The following NEK1 variants were observed in gnomAD, a reference collection of about 807,000 sequenced individuals.
The protein encoded by NEK1 is NIMA related kinase 1.
A neutral mutation model predicts 182.1 loss-of-function variants in NEK1; 137 were observed. That is an observed-to-expected ratio of 0.75 (90% confidence interval 0.65 to 0.87). The LOEUF is 0.87. Ranked by LOEUF, NEK1 falls within the 40% of genes least tolerant of loss-of-function variation. The pLI is 0.00. For missense variants in NEK1, 1,391 were observed against 1,494.4 expected, an observed-to-expected ratio of 0.93 and a Z score of 1.14; for synonymous variants, 513 against 492.2, an observed-to-expected ratio of 1.04 and a Z score of -0.56.
At chr4:169,571,266 T>C (rs541848100) in intron 12 of NEK1, among the ~76,000 whole-genome samples, 92 of 152,158 alleles carry the variant, frequency 6.0e-4, no homozygotes, top group African/African-American at 2.1e-3. Context: ...ATACCTGTAA[T>C]CCCAGAACTT....
chr4:169,488,687 A>G (rs1001879862), intron 23 of NEK1, among the ~76,000 whole-genome samples: 1 of 152,186 alleles, frequency 6.6e-6, no homozygotes, highest in African/African-American at 2.4e-5. Flanking sequence ...CAAACTTTAC[A>G]TTAATATTTT....
rs539181597 is a variant in NEK1 at position 169,579,977 on chromosome 4, G to C, written c.868+865C>G. On this transcript the variant is annotated intron_variant, in intron 11 of 35. Coordinates refer to ENST00000507142, the MANE Select transcript of NEK1 (RefSeq NM_001199397.3). ...CTTCACGTATTAAATAACTTCCATT[G>C]ATTTTAGAAATCCATTCTGAAATCA... Among the ~76,000 whole-genome samples the C allele has an allele frequency of 2.0e-5, 3 of 152,126 alleles. No individual in the cohort carries two copies. The South Asian group carries it at 6.2e-4, about 32-fold the overall frequency.
In NEK1 at chr4:169,443,565, G is replaced by T. The variant is rs142781729; in HGVS notation, c.2588-5306C>A. Among the ~76,000 whole-genome samples the T allele has an allele frequency of 1.3e-4, 19 of 151,694 alleles. No individual in the cohort carries two copies. The East Asian group carries it at 3.7e-3, about 29-fold the overall frequency. On this transcript the variant is annotated intron_variant, in intron 27 of 35. Coordinates refer to ENST00000507142, the MANE Select transcript of NEK1 (RefSeq NM_001199397.3). ...AAAGTGCCCAAATATTCAAATTTTG[G>T]GTGTTTCAGAAAAAAAAAGAGATGG...
chr4:169,500,591 T>C (rs1356679185), intron 23 of NEK1, among the ~76,000 whole-genome samples: 2 of 152,198 alleles, frequency 1.3e-5, no homozygotes, highest in African/African-American at 4.8e-5. Flanking sequence ...CCAGAAGACA[T>C]TGGTGGCCTA....
chr4:169,411,927 T>A (rs1383793902), intron 31 of NEK1, among the ~76,000 whole-genome samples: 2 of 152,210 alleles, frequency 1.3e-5, no homozygotes, highest in African/African-American at 4.8e-5. Context: ...CATACCTGAC[T>A]AGCAGGCTCC....
intron 19 of NEK1, among the ~76,000 whole-genome samples, chr4:169,514,393 T>A (rs1333187849): frequency 1.3e-5 from 2 of 152,194 alleles, no homozygotes; most frequent in African/African-American, 4.8e-5. Flanking sequence ...ATGAGTTGAT[T>A]AGTATTCACT....
chr4:169,461,265 T>C (rs562393924), intron 27 of NEK1, among the ~76,000 whole-genome samples: 6 of 152,280 alleles, frequency 3.9e-5, no homozygotes, highest in Admixed American at 1.3e-4. Flanking sequence ...GGAATTTCAT[T>C]CTCCCCCTTA....
At chr4:169,497,426 T>C (rs1429118950) in intron 23 of NEK1, among the ~76,000 whole-genome samples, 1 of 152,186 alleles carries the variant, frequency 6.6e-6, no homozygotes, top group Non-Finnish European at 1.5e-5. Flanking sequence ...CTGATCTTAG[T>C]TATTTCTTGC....
intron 20 of NEK1, 91 bp from the exon 21 acceptor site, chr4:169,508,422 T>C (rs1753666780): frequency 9.8e-7 from 1 of 1,024,446 alleles, no homozygotes. Context: ...TAAGGAACAG[T>C]GTTAATTTGA....
rs756141648 is a variant in NEK1, at chr4:169,508,257, A to T, written c.1824T>A (p.Arg608=). Residue 608 remains arginine (R), a synonymous_variant, in exon 21 of 36, where the codon CGT becomes CGA. Coordinates refer to ENST00000507142, the MANE Select transcript of NEK1 (RefSeq NM_001199397.3). ...TAGCTTTTCAACCTACCTTTTCACCACGAAGTTTGGCTTTAATCTGTTGGC... is the reference window on the plus strand; with the variant it reads ...TAGCTTTTCAACCTACCTTTTCACCTCGAAGTTTGGCTTTAATCTGTTGGC... ...NERQQIKAKL[R]GEKKEANHSE... is the part of the protein sequence containing the mutation. The T allele has an allele frequency of 6.3e-7, 1 of 1,588,542 alleles. No homozygotes were observed. The highest frequency in any genetic ancestry group is 2.3e-5 in the East Asian group (1 of 43,896).
intron 12 of NEK1, among the ~76,000 whole-genome samples, chr4:169,569,008 G>A (rs1361986812): frequency 4.0e-5 from 6 of 151,142 alleles, no homozygotes; most frequent in Non-Finnish European, 8.8e-5. Flanking sequence ...AATTAAATGC[G>A]TGTGTAAATA....
chr4:169,407,195 G>A (rs899980676), intron 31 of NEK1, among the ~76,000 whole-genome samples: 2 of 152,188 alleles, frequency 1.3e-5, no homozygotes, highest in African/African-American at 4.8e-5. Flanking sequence ...CTTTCACGGT[G>A]TTTCTGCTAA....
intron 32 of NEK1, among the ~76,000 whole-genome samples, chr4:169,402,547 T>C (rs781360521): frequency 6.6e-6 from 1 of 152,210 alleles, no homozygotes; most frequent in Non-Finnish European, 1.5e-5. Context: ...TTCCAAAGTA[T>C]TGGTAAGAAT....
At chr4:169,452,398 G>T (rs973428929) in intron 27 of NEK1, among the ~76,000 whole-genome samples, 1 of 152,138 alleles carries the variant, frequency 6.6e-6, no homozygotes, top group African/African-American at 2.4e-5. Flanking sequence ...GATGAACGTC[G>T]ATGCGAAAAT....
chr4:169,523,797 A>C (rs543634606), intron 19 of NEK1, among the ~76,000 whole-genome samples: 10 of 152,354 alleles, frequency 6.6e-5, no homozygotes, highest in African/African-American at 2.4e-4. Context: ...TACTGCTTAT[A>C]TGTTCCTGCT....
At chr4:169,431,817 T>A (rs992764014) in intron 29 of NEK1, among the ~76,000 whole-genome samples, 1 of 148,908 alleles carries the variant, frequency 6.7e-6, no homozygotes, top group Non-Finnish European at 1.5e-5. Flanking sequence ...TGAAAAAAAA[T>A]TTGGTAATCT....
intron 27 of NEK1, 142 bp downstream of exon 27, chr4:169,463,101 T>A (rs984270622): frequency 4.1e-6 from 2 of 490,518 alleles, no homozygotes; most frequent in Non-Finnish European, 6.4e-6. Flanking sequence ...GAAAACACAA[T>A]CATTCTCAAT....
chr4:169,507,128 T>C lies in NEK1; in HGVS notation c.1916A>G (p.His639Arg), dbSNP rs1295340811. The part of the protein sequence containing the change: ...RRKKIESLKA[H>R]ANARAAVLKE... ...TAGTACAGCAGCACGTGCATTTGCATGGGCCTAAAAATAAAAACAATTAAC... is the reference window on the plus strand; with the variant it reads ...TAGTACAGCAGCACGTGCATTTGCACGGGCCTAAAAATAAAAACAATTAAC... Residue 639 changes from histidine (H) to arginine (R), a missense_variant, in exon 23 of 36, where the codon CAT becomes CGT. Around this residue, in one of 5 missense-constraint regions of NEK1, gnomAD observed 1,216 missense variants for 1,277.6 expected, o/e 0.95. Transcript: ENST00000507142. The C allele has an allele frequency of 2.5e-6, 4 of 1,588,748 alleles. No individual in the cohort carries two copies. The highest frequency in any genetic ancestry group is 1.7e-5 in the Admixed American group (1 of 58,572).
At chr4:169,514,025 G>C (rs887744181) in intron 19 of NEK1, among the ~76,000 whole-genome samples, 1 of 143,630 alleles carries the variant, frequency 7.0e-6, no homozygotes, top group Non-Finnish European at 1.5e-5. Flanking sequence ...TTGCTCTGTT[G>C]CCCAGGCTGG....
Sources: allele counts gnomAD v4.1 joint callset (sites outside exome capture counted in the v4.1 genomes callset), GRCh38; gene constraint gnomAD v4.1.1; regional missense constraint gnomAD v4.1.1; transcripts MANE v1.5; gene names NCBI Gene and HGNC (gene_info 2026-07-23, HGNC 2026-07-21).